PHACTR3: variants seen among roughly 807,000 people sequenced by gnomAD.
PHACTR3 encodes the protein protein phosphatase 1, regulatory subunit 123.
A neutral mutation model predicts 66.8 loss-of-function variants in PHACTR3; 16 were observed. The ratio of observed to expected loss-of-function variants is 0.24; its 90% confidence interval spans 0.16 to 0.36. PHACTR3 has a LOEUF of 0.36. Ranked by LOEUF, PHACTR3 falls within the 10% of genes least tolerant of loss-of-function variation. The pLI is 1.00. For missense variants in PHACTR3, 647 were observed against 719.9 expected, an observed-to-expected ratio of 0.90 and a Z score of 1.16; for synonymous variants, 323 against 292.1, an observed-to-expected ratio of 1.11 and a Z score of -1.08.
At chr20:59,792,931 C>T (rs1363004315) in intron 7 of PHACTR3, among the ~76,000 whole-genome samples, 1 of 152,118 alleles carries the variant, frequency 6.6e-6, no homozygotes, top group Non-Finnish European at 1.5e-5. Context: ...GTTGTCCAGG[C>T]TGGAGTGCAG....
intron 7 of PHACTR3, among the ~76,000 whole-genome samples, chr20:59,787,904 A>T (rs1422926293): frequency 2.0e-5 from 3 of 152,238 alleles, no homozygotes; most frequent in African/African-American, 7.2e-5. Context: ...AGGACTCTGT[A>T]GTGAACATGC....
intron 1 of PHACTR3, among the ~76,000 whole-genome samples, chr20:59,727,753 C>G (rs1054218346): frequency 2.6e-5 from 4 of 152,132 alleles, no homozygotes; most frequent in African/African-American, 9.7e-5. Context: ...ACATGATGCT[C>G]AAAGAAAATA....
At chr20:59,618,761 T>C (rs2034125292) in intron 1 of PHACTR3, among the ~76,000 whole-genome samples, 1 of 151,564 alleles carries the variant, frequency 6.6e-6, no homozygotes, top group African/African-American at 2.4e-5. Flanking sequence ...AGAGGTGCTG[T>C]CTCACCCTGA....
intron 8 of PHACTR3, among the ~76,000 whole-genome samples, chr20:59,817,837 A>G (rs1164755573): frequency 2.6e-5 from 4 of 152,344 alleles, no homozygotes; most frequent in South Asian, 2.1e-4. Context: ...CCCAGAAAAC[A>G]TATTTGTGGA....
intron 5 of PHACTR3, among the ~76,000 whole-genome samples, chr20:59,771,418 C>T (rs969131452): frequency 3.9e-5 from 6 of 152,146 alleles, no homozygotes; most frequent in Admixed American, 1.3e-4. Context: ...CAGCCCCTGC[C>T]CTGCCTGGCC....
At chr20:59,796,161 A>G (rs922980016) in intron 7 of PHACTR3, among the ~76,000 whole-genome samples, 1 of 152,082 alleles carries the variant, frequency 6.6e-6, no homozygotes, top group Admixed American at 6.5e-5. Context: ...TGGGGCTTAT[A>G]TAAAAAATTA....
chr20:59,825,615 TG>T (rs1284682161), intron 8 of PHACTR3, among the ~76,000 whole-genome samples: 1 of 152,144 alleles, frequency 6.6e-6, no homozygotes, highest in Non-Finnish European at 1.5e-5. Flanking sequence ...ACAAATGCAC[TG>T]GGGAGCAACC....
chr20:59,806,300 A>G, intron 8 of PHACTR3, 106 bp downstream of exon 8: 2 of 1,424,020 alleles, frequency 1.4e-6, no homozygotes, highest in Non-Finnish European at 1.9e-6. Flanking sequence ...CGCACAACCC[A>G]CCGTCTGCAG....
chr20:59,760,120 G>C (rs59520653), intron 4 of PHACTR3, among the ~76,000 whole-genome samples: 3,697 of 152,188 alleles, frequency 0.024, 170 homozygotes, highest in African/African-American at 0.085. Flanking sequence ...GTCACTCCTG[G>C]CATCCAGGTG....
At chr20:59,703,377 T>C (rs1230020535) in intron 1 of PHACTR3, among the ~76,000 whole-genome samples, 1 of 152,176 alleles carries the variant, frequency 6.6e-6, no homozygotes, top group Non-Finnish European at 1.5e-5. Flanking sequence ...TCATATTCTT[T>C]CTCCTTGCCC....
intron 7 of PHACTR3, 134 bp downstream of exon 7, chr20:59,774,624 G>A: frequency 5.6e-6 from 7 of 1,242,588 alleles, no homozygotes; most frequent in South Asian, 4.7e-5. Context: ...CAAGAGGGGG[G>A]CTGTGTCCTC....
chr20:59,624,741 G>A (rs962707777), intron 1 of PHACTR3, among the ~76,000 whole-genome samples: 1 of 151,886 alleles, frequency 6.6e-6, no homozygotes, highest in South Asian at 2.1e-4. Context: ...CAGTCTGATG[G>A]AAAGAAGACT....
At chr20:59,724,987 C>T (rs548846031) in intron 1 of PHACTR3, among the ~76,000 whole-genome samples, 71 of 151,630 alleles carry the variant, frequency 4.7e-4, no homozygotes, top group African/African-American at 1.1e-3. Context: ...GCTGTGAGCC[C>T]AGGTGGGTTT....
At chr20:59,746,240 G>A (rs1034851027) in intron 2 of PHACTR3, among the ~76,000 whole-genome samples, 6 of 152,146 alleles carry the variant, frequency 3.9e-5, no homozygotes, top group African/African-American at 7.2e-5. Context: ...GAAGCCACCC[G>A]GGAGGTCAAG....
At chr20:59,603,244 C>G (rs1430708483), upstream of PHACTR3, among the ~76,000 whole-genome samples, 1 of 152,182 alleles carries the variant, frequency 6.6e-6, no homozygotes, top group Admixed American at 6.5e-5. Context: ...CTCCCCCTTT[C>G]CCGGAAGACT....
chr20:59,648,033 G>A (rs1008965057), intron 1 of PHACTR3, among the ~76,000 whole-genome samples: 5 of 152,192 alleles, frequency 3.3e-5, no homozygotes, highest in African/African-American at 9.7e-5. Flanking sequence ...CATCTTATTA[G>A]TGAAGATTCT....
At chr20:59,767,497 C>T (rs1340385649) in intron 5 of PHACTR3, 102 bp downstream of exon 5, 2 of 1,285,412 alleles carry the variant, frequency 1.6e-6, no homozygotes, top group Non-Finnish European at 2.1e-6. Context: ...TATTTATTCA[C>T]CCATTCACTC....
intron 1 of PHACTR3, among the ~76,000 whole-genome samples, chr20:59,644,002 C>T (rs2035193185): frequency 6.6e-6 from 1 of 152,166 alleles, no homozygotes; most frequent in Non-Finnish European, 1.5e-5. Context: ...GCGGCATCTC[C>T]TCAAGGGCAG....
In PHACTR3 at chr20:59,755,320, C is replaced by T. The variant is rs559867795; in HGVS notation, c.497C>T (p.Ser166Phe). 4.3e-6 allele frequency: 7 copies of T among 1,612,780 alleles called. No individual in the cohort carries two copies. In the Admixed American group the frequency reaches 1.2e-4, roughly 27 times the overall value. The part of the protein sequence containing the change: ...SPLATGTDQV[S>F]LDKPLSSAAH... The stretch of plus-strand genomic sequence containing the variant: ...TTGGCCACTGGGACGGACCAGGTCT[C>T]CCTGGACAAGCCACTGTCCTCAGCT... Residue 166 changes from serine (S) to phenylalanine (F), a missense_variant, in exon 4 of 13, where the codon TCC becomes TTC. By Grantham distance (155) the Ser-to-Phe change is radical. Coordinates refer to ENST00000371015, the MANE Select transcript of PHACTR3 (RefSeq NM_080672.5).
Sources: gnomAD v4.1 joint callset for allele counts (sites outside exome capture counted in the v4.1 genomes callset) on GRCh38, gnomAD v4.1.1 for gene constraint, MANE v1.5 for transcripts, NCBI Gene and HGNC (gene_info 2026-07-23, HGNC 2026-07-21) for gene names.